OR52N2: variants seen among roughly 807,000 people sequenced by gnomAD.
The protein encoded by OR52N2 is olfactory receptor 52N2.
For missense variants in OR52N2, 326 were observed against 196.6 expected, an observed-to-expected ratio of 1.66 and a Z score of -3.94; for synonymous variants, 129 against 72.0, an observed-to-expected ratio of 1.79 and a Z score of -4.01.
At chr11:5,810,460 GATAA>G (rs1237955304) in intron 1 of OR52N2, among the ~76,000 whole-genome samples, 3 of 152,146 alleles carry the variant, frequency 2.0e-5, no homozygotes, top group Non-Finnish European at 4.4e-5. Flanking sequence ...ATGATGGAAA[GATAA>G]ATAAATAAGG....
At chr11:5,813,287 G>C (rs1053446250) in intron 1 of OR52N2, among the ~76,000 whole-genome samples, 7 of 151,616 alleles carry the variant, frequency 4.6e-5, no homozygotes, top group African/African-American at 1.7e-4. Context: ...AATGAAAAAA[G>C]AGGCATTACA....
chr11:5,810,039 CT>C (rs1365854398), intron 1 of OR52N2, among the ~76,000 whole-genome samples: 1 of 152,186 alleles, frequency 6.6e-6, no homozygotes, highest in Non-Finnish European at 1.5e-5. Context: ...CAACATTCTT[CT>C]TGTCATAACT....
intron 1 of OR52N2, among the ~76,000 whole-genome samples, chr11:5,811,520 A>G (rs1341467193): frequency 6.6e-6 from 1 of 152,184 alleles, no homozygotes; most frequent in Non-Finnish European, 1.5e-5. Context: ...TAAATATAGA[A>G]TGTTTTATGT....
At chr11:5,820,251 T>C in intron 1 of OR52N2, 31 bp from the exon 2 acceptor site, 2 of 715,426 alleles carry the variant, frequency 2.8e-6, no homozygotes, top group Admixed American at 3.9e-5. Flanking sequence ...ACCTCTTATC[T>C]CGTCTCTAAC....
intron 1 of OR52N2, among the ~76,000 whole-genome samples, chr11:5,818,400 A>G (rs570134098): frequency 1.5e-4 from 23 of 152,250 alleles, no homozygotes; most frequent in African/African-American, 5.3e-4. Context: ...CTAATTGTGG[A>G]GACTAAATCA....
chr11:5,815,807 C>G (rs979840722), intron 1 of OR52N2, among the ~76,000 whole-genome samples: 7 of 151,824 alleles, frequency 4.6e-5, no homozygotes, highest in African/African-American at 1.7e-4. Context: ...TTCACAGTAA[C>G]CAAGATATAA....
intron 1 of OR52N2, among the ~76,000 whole-genome samples, chr11:5,815,887 T>G (rs1428958829): frequency 6.6e-6 from 1 of 151,584 alleles, no homozygotes; most frequent in Non-Finnish European, 1.5e-5. Flanking sequence ...TATGTGTATG[T>G]GTGTATATAC....
At position 5,820,811 on chromosome 11, in the gene OR52N2, T is replaced by C. The variant is rs149693211; in HGVS notation, c.476T>C (p.Ile159Thr). The change falls in exon 2 of 2, where the codon ATC becomes ACC. Residue 159 changes from isoleucine (I) to threonine (T), a missense_variant. Physicochemically the swap from Ile to Thr is moderately conservative, Grantham distance 89 (BLOSUM62 -1). Transcript: ENST00000317037. ...ATFLRNVMLI[I>T]PFTLLTKRLP... The stretch of plus-strand genomic sequence containing the variant: ...TTCTTGAGGAATGTGATGCTCATCA[T>C]CCCATTCACTCTCCTCACCAAGCGC... 7.0e-5 allele frequency: 54 copies of C among 776,716 alleles called. No individual in the cohort carries two copies. In the African/African-American group the frequency reaches 8.1e-4, roughly 12 times the overall value. 48.1% of individuals were successfully genotyped at this position (776,716 alleles called of 1,614,324 possible). A position where few individuals can be genotyped will look rare whatever the true frequency, so the allele number is the denominator to read the frequency against.
chr11:5,817,642 G>A (rs1044237183), intron 1 of OR52N2, among the ~76,000 whole-genome samples: 1 of 152,098 alleles, frequency 6.6e-6, no homozygotes, highest in African/African-American at 2.4e-5. Flanking sequence ...ATTCTTGGGG[G>A]CATGGTTCAG....
intron 1 of OR52N2, among the ~76,000 whole-genome samples, chr11:5,819,245 T>C (rs1202733997): frequency 6.6e-6 from 1 of 152,218 alleles, no homozygotes; most frequent in Non-Finnish European, 1.5e-5. Context: ...ACACTTCAAC[T>C]TTCTTCAAAC....
At position 5,820,978 on chromosome 11, in the gene OR52N2, T is replaced by C; in HGVS notation, c.643T>C (p.Cys215Arg). Reference protein sequence around the residue: ...ALLIGVFDICCISVSYTMILQ... With the variant: ...ALLIGVFDICRISVSYTMILQ... ...CCTGATTGGTGTGTTTGATATCTGC[T>C]GTATCTCTGTATCTTACACTATGAT... The change falls in exon 2 of 2, where the codon TGT (cysteine) becomes CGT (arginine). Residue 215 changes from cysteine to arginine, a missense_variant. Cys to Arg is a radical substitution (Grantham distance 180, BLOSUM62 -3). Coordinates refer to ENST00000317037, the MANE Select transcript of OR52N2 (RefSeq NM_001005174.3). 3.8e-6 allele frequency: 3 copies of C among 781,102 alleles called. No individual in the cohort carries two copies. The highest frequency in any genetic ancestry group is 1.3e-5 in the South Asian group (1 of 74,624). The allele number at this position is 781,102 out of a possible 1,614,324, so 48.4% of individuals were successfully genotyped here. A position where few individuals can be genotyped will look rare whatever the true frequency, so the allele number is the denominator to read the frequency against.
chr11:5,811,017 CTA>C (rs1846357167), intron 1 of OR52N2, among the ~76,000 whole-genome samples: 1 of 151,228 alleles, frequency 6.6e-6, no homozygotes, highest in Non-Finnish European at 1.5e-5. Flanking sequence ...TTTGAAAAAA[CTA>C]TTGGCAAAAG....
rs1169404543 is a variant in OR52N2 at position 5,820,935 on chromosome 11, T to C, written c.600T>C (p.Tyr200=). The C allele has an allele frequency of 5.1e-6, 4 of 780,978 alleles. No individual in the cohort carries two copies. Among genetic ancestry groups the C allele is most frequent in the Non-Finnish European group, 7.2e-6 (3 of 418,142 alleles). 48.4% of individuals were successfully genotyped at this position (780,978 alleles called of 1,614,324 possible). A position where few individuals can be genotyped will look rare whatever the true frequency, so the allele number is the denominator to read the frequency against. The change falls in exon 2 of 2, where the codon TAT becomes TAC. Residue 200 remains tyrosine (Y), a synonymous_variant. Coordinates refer to ENST00000317037, the MANE Select transcript of OR52N2 (RefSeq NM_001005174.3). ...SCGNFKVNAI[Y]GLMVALLIGV... is the part of the protein sequence containing the mutation. ...GCAATTTCAAGGTCAATGCTATTTA[T>C]GGTCTGATGGTTGCTCTCCTGATTG...
At chr11:5,810,366 G>T (rs1846350282) in intron 1 of OR52N2, among the ~76,000 whole-genome samples, 1 of 152,142 alleles carries the variant, frequency 6.6e-6, no homozygotes, top group African/African-American at 2.4e-5. Context: ...TGTCTCCTGT[G>T]TGTCTCAGCT....
rs373006841 is a variant in OR52N2 at position 5,821,212 on chromosome 11, A to G, written c.877A>G (p.Ile293Val). 5 of 780,868 alleles carry G rather than the reference A, an allele frequency of 6.4e-6. No homozygotes were observed. The highest frequency in any genetic ancestry group is 5.4e-5 in the South Asian group (4 of 74,624). 48.4% of individuals were successfully genotyped at this position (780,868 alleles called of 1,614,324 possible). A position where few individuals can be genotyped will look rare whatever the true frequency, so the allele number is the denominator to read the frequency against. The change falls in exon 2 of 2, where the codon ATT (isoleucine) becomes GTT (valine). Residue 293 changes from isoleucine (I) to valine (V), a missense_variant. Coordinates refer to ENST00000317037, the MANE Select transcript of OR52N2 (RefSeq NM_001005174.3). ...YLLLPPTMNPIVYGVKTKQIQ... is the reference protein window; with the variant it reads ...YLLLPPTMNPVVYGVKTKQIQ... ...GCTACTGCCTCCTACCATGAACCCA[A>G]TTGTTTATGGAGTCAAGACCAAGCA...
At chr11:5,818,604 G>A (rs191859072) in intron 1 of OR52N2, among the ~76,000 whole-genome samples, 1 of 149,250 alleles carries the variant, frequency 6.7e-6, no homozygotes, top group Non-Finnish European at 1.5e-5. Context: ...TTTTGGCAAA[G>A]AATGCAACAG....
chr11:5,820,169 A>T, intron 1 of OR52N2, 113 bp from the exon 2 acceptor site: 1 of 650,866 alleles, frequency 1.5e-6, no homozygotes, highest in Admixed American at 2.4e-5. Context: ...CTATAGTTGG[A>T]AGAAAGAATT....
rs117093903 is a variant in OR52N2, at chr11:5,814,596, A to G, written c.-55+5542A>G. Reference sequence around the variant, plus strand: ...AAAGAAGACATTAATAAATGGAAATACATGCCATGTTCAAGGGGTGGACGA... The same window carrying G: ...AAAGAAGACATTAATAAATGGAAATGCATGCCATGTTCAAGGGGTGGACGA... On this transcript the variant is annotated intron_variant, in intron 1 of 1. Coordinates refer to ENST00000317037, the MANE Select transcript of OR52N2 (RefSeq NM_001005174.3). 4.6e-4 allele frequency among the ~76,000 whole-genome samples: 70 copies of G among 152,332 alleles called. No homozygotes were observed. The East Asian group carries it at 0.013, about 29-fold the overall frequency.
intron 1 of OR52N2, among the ~76,000 whole-genome samples, chr11:5,812,381 G>C (rs1186700047): frequency 6.6e-6 from 1 of 150,544 alleles, no homozygotes; most frequent in Non-Finnish European, 1.5e-5. Flanking sequence ...TATAGTCCCA[G>C]CTACTCAGGA....
Sources: allele counts gnomAD v4.1 joint callset (sites outside exome capture counted in the v4.1 genomes callset), GRCh38; gene constraint gnomAD v4.1.1; transcripts MANE v1.5; gene names NCBI Gene and HGNC (gene_info 2026-07-23, HGNC 2026-07-21).